DPP10: variants seen among roughly 807,000 people sequenced by gnomAD.
DPP10 encodes dipeptidyl peptidase like 10, also known as inactive dipeptidyl peptidase 10.
In DPP10, 33 loss-of-function variants were observed where a neutral mutation model predicts 120.9. The ratio of observed to expected loss-of-function variants is 0.27; its 90% confidence interval spans 0.21 to 0.37. The LOEUF (loss-of-function observed/expected upper bound fraction) is 0.37, where lower values mean the gene tolerates loss of function less well. DPP10 is among the 10% of genes least tolerant of loss of function. The pLI, the probability that DPP10 is intolerant of heterozygous loss-of-function variation, is 1.00. For missense variants in DPP10, 816 were observed against 942.8 expected, an observed-to-expected ratio of 0.87 and a Z score of 1.76; for synonymous variants, 337 against 326.1, an observed-to-expected ratio of 1.03 and a Z score of -0.36.
rs183508770 is a variant in DPP10, at chr2:115,281,208, G to A, written c.61-28031G>A. ...AAGCTAGAAATAGGTACCTTAATGA[G>A]GCAACTCTTGATTTTATTTCAGAAC... On this transcript the variant is annotated intron_variant, in intron 1 of 25. Coordinates refer to ENST00000410059, the MANE Select transcript of DPP10 (RefSeq NM_020868.6). Among the ~76,000 whole-genome samples, 9 of 152,146 alleles carry A rather than the reference G, an allele frequency of 5.9e-5. No homozygotes were observed. The East Asian group carries it at 1.5e-3, about 26-fold the overall frequency.
chr2:115,800,785 T>C (rs1291308807), intron 19 of DPP10, among the ~76,000 whole-genome samples: 1 of 152,164 alleles, frequency 6.6e-6, no homozygotes, highest in Non-Finnish European at 1.5e-5. Flanking sequence ...TTCTGTTCCA[T>C]TGGTCTATAT....
chr2:115,420,943 T>C (rs1023836626), intron 3 of DPP10, among the ~76,000 whole-genome samples: 2 of 152,212 alleles, frequency 1.3e-5, no homozygotes, highest in African/African-American at 4.8e-5. Context: ...TAGATGGGGA[T>C]AGAATCTAGA....
chr2:115,728,358 C>T (rs2092816787), intron 8 of DPP10, among the ~76,000 whole-genome samples: 1 of 151,000 alleles, frequency 6.6e-6, no homozygotes, highest in Non-Finnish European at 1.5e-5. Flanking sequence ...CATTCTGTCA[C>T]ACTTTATAAG....
intron 1 of DPP10, among the ~76,000 whole-genome samples, chr2:115,024,493 C>T (rs376401933): frequency 4.0e-5 from 6 of 151,480 alleles, no homozygotes; most frequent in African/African-American, 9.7e-5. Flanking sequence ...TTATAGTACA[C>T]GTACATATTT....
chr2:115,062,128 CTGTGTG>C (rs61413782), intron 1 of DPP10, among the ~76,000 whole-genome samples: 2,807 of 143,802 alleles, frequency 0.02, 74 homozygotes, highest in South Asian at 0.12. Context: ...GATTACAGTT[CTGTGTG>C]TGTGTGTGTG....
chr2:114,596,969 C>G (rs1476740325), intron 1 of DPP10, among the ~76,000 whole-genome samples: 1 of 151,896 alleles, frequency 6.6e-6, no homozygotes, highest in African/African-American at 2.4e-5. Flanking sequence ...AAAGTGGAGC[C>G]AAATTATAAG....
intron 1 of DPP10, among the ~76,000 whole-genome samples, chr2:114,747,975 A>C (rs768713403): frequency 1.3e-5 from 2 of 152,186 alleles, no homozygotes; most frequent in Non-Finnish European, 2.9e-5. Flanking sequence ...CATGAAATTG[A>C]GTGTAGAGAC....
chr2:115,099,168 G>A (rs1296913541), intron 1 of DPP10, among the ~76,000 whole-genome samples: 1 of 151,162 alleles, frequency 6.6e-6, no homozygotes, highest in African/African-American at 2.4e-5. Flanking sequence ...AAGAAAAATA[G>A]CTGGACGTGG....
At chr2:114,452,230 C>T (rs931311266) in intron 1 of DPP10, among the ~76,000 whole-genome samples, 3 of 151,992 alleles carry the variant, frequency 2.0e-5, no homozygotes, top group East Asian at 1.9e-4. Flanking sequence ...TGTATAATCT[C>T]GAAGAATACC....
At chr2:115,462,355 C>A (rs2074037805) in intron 3 of DPP10, among the ~76,000 whole-genome samples, 1 of 152,170 alleles carries the variant, frequency 6.6e-6, no homozygotes, top group African/African-American at 2.4e-5. Context: ...TGGCCTACTG[C>A]TTTTCTACAA....
At chr2:115,413,578 C>T (rs1471374787) in intron 3 of DPP10, among the ~76,000 whole-genome samples, 1 of 152,072 alleles carries the variant, frequency 6.6e-6, no homozygotes, top group African/African-American at 2.4e-5. Flanking sequence ...TTAAAAAGTA[C>T]CTAAAATTTT....
intron 17 of DPP10, among the ~76,000 whole-genome samples, chr2:115,789,755 T>G (rs944604041): frequency 6.6e-6 from 1 of 152,194 alleles, no homozygotes; most frequent in Non-Finnish European, 1.5e-5. Context: ...AATAAGTGAA[T>G]TTATCATGGT....
At chr2:115,324,346 G>A (rs1445992418) in intron 2 of DPP10, among the ~76,000 whole-genome samples, 3 of 152,220 alleles carry the variant, frequency 2.0e-5, no homozygotes, top group East Asian at 1.9e-4. Context: ...AAAATCTCTC[G>A]TTTAGCATAG....
intron 1 of DPP10, among the ~76,000 whole-genome samples, chr2:114,879,100 A>G (rs1691395567): frequency 6.6e-6 from 1 of 152,000 alleles, no homozygotes; most frequent in Non-Finnish European, 1.5e-5. Flanking sequence ...ATTTGAAAGA[A>G]GATTCAAATA....
intron 3 of DPP10, among the ~76,000 whole-genome samples, chr2:115,413,672 G>A (rs1336346980): frequency 1.3e-5 from 2 of 152,186 alleles, no homozygotes; most frequent in Non-Finnish European, 2.9e-5. Flanking sequence ...GCTGCTTTAT[G>A]AATGAAGTGC....
At chr2:115,079,343 G>A (rs1416763310) in intron 1 of DPP10, among the ~76,000 whole-genome samples, 1 of 145,900 alleles carries the variant, frequency 6.9e-6, no homozygotes, top group Non-Finnish European at 1.5e-5. Context: ...TCCAGCCTGG[G>A]CGACAGAGCC....
intron 1 of DPP10, among the ~76,000 whole-genome samples, chr2:115,288,124 A>ATT (rs1205695106): frequency 1.3e-5 from 2 of 152,126 alleles, no homozygotes; most frequent in Admixed American, 1.3e-4. Flanking sequence ...TCACTAACTT[A>ATT]TATTTCCACC....
chr2:115,005,642 T>G (rs1181987430), intron 1 of DPP10, among the ~76,000 whole-genome samples: 1 of 151,718 alleles, frequency 6.6e-6, no homozygotes, highest in Non-Finnish European at 1.5e-5. Flanking sequence ...ATGAATGAAA[T>G]GAAGCGAGAA....
At chr2:115,188,509 A>G (rs2054632076) in intron 1 of DPP10, among the ~76,000 whole-genome samples, 1 of 152,234 alleles carries the variant, frequency 6.6e-6, no homozygotes, top group Non-Finnish European at 1.5e-5. Flanking sequence ...ATCAGGCCAT[A>G]TTTTAGGGTC....
Sources: gnomAD v4.1 joint callset for allele counts (sites outside exome capture counted in the v4.1 genomes callset) on GRCh38, gnomAD v4.1.1 for gene constraint, MANE v1.5 for transcripts, NCBI Gene and HGNC (gene_info 2026-07-23, HGNC 2026-07-21) for gene names.